The following ROBO1 variants were observed in gnomAD, a reference collection of about 807,000 sequenced individuals.
The protein encoded by ROBO1 is roundabout guidance receptor 1, also known as roundabout homolog 1.
Under a neutral mutation model 195.9 loss-of-function variants are expected in ROBO1, and 149 were observed. The ratio of observed to expected loss-of-function variants is 0.76; its 90% CI spans 0.67 to 0.87. The LOEUF (loss-of-function observed/expected upper bound fraction) is 0.87, where lower values mean the gene tolerates loss of function less well. ROBO1 is among the 40% of genes least tolerant of loss of function. ROBO1 has a pLI of 0.00. For missense variants in ROBO1, 1,933 were observed against 2,068.3 expected, an observed-to-expected ratio of 0.93 and a Z score of 1.27; for synonymous variants, 816 against 733.2, an observed-to-expected ratio of 1.11 and a Z score of -1.82.
At chr3:78,806,672 G>A (rs1045230317) in intron 4 of ROBO1, among the ~76,000 whole-genome samples, 3 of 152,114 alleles carry the variant, frequency 2.0e-5, no homozygotes, top group African/African-American at 4.8e-5. Flanking sequence ...TTTTAAGCAG[G>A]TAAGTTAAGC....
intron 2 of ROBO1, among the ~76,000 whole-genome samples, chr3:79,563,886 A>G (rs1943006525): frequency 6.6e-6 from 1 of 152,082 alleles, no homozygotes; most frequent in Non-Finnish European, 1.5e-5. Flanking sequence ...TGCATATTAA[A>G]TGGAACTACA....
At chr3:79,226,504 C>T (rs933099760) in intron 2 of ROBO1, among the ~76,000 whole-genome samples, 5 of 151,760 alleles carry the variant, frequency 3.3e-5, no homozygotes, top group Admixed American at 3.3e-4. Context: ...TATTTTTCCA[C>T]AGAGAATCCT....
At chr3:79,573,525 T>C (rs183121682) in intron 2 of ROBO1, among the ~76,000 whole-genome samples, 289 of 152,324 alleles carry the variant, frequency 1.9e-3, no homozygotes, top group Middle Eastern at 3.4e-3. Flanking sequence ...AAATTTATCC[T>C]CAATTATCAA....
At chr3:79,161,141 T>A (rs944655826) in intron 2 of ROBO1, among the ~76,000 whole-genome samples, 1 of 152,048 alleles carries the variant, frequency 6.6e-6, no homozygotes, top group Non-Finnish European at 1.5e-5. Flanking sequence ...ATACCATGTA[T>A]AATTGGTACT....
chr3:78,728,458 A>T (rs765290067), intron 5 of ROBO1, among the ~76,000 whole-genome samples: 3 of 12 alleles, frequency 0.25, no homozygotes, highest in Non-Finnish European at 0.5. Flanking sequence ...TCTAGGTTAT[A>T]AAAAAAAAAA....
At chr3:78,777,310 C>T (rs886572928) in intron 4 of ROBO1, among the ~76,000 whole-genome samples, 14 of 152,160 alleles carry the variant, frequency 9.2e-5, no homozygotes, top group African/African-American at 3.4e-4. Flanking sequence ...GGTTCAAAGA[C>T]AGTATACAGC....
intron 1 of ROBO1, among the ~76,000 whole-genome samples, chr3:79,754,787 G>C (rs1024614552): frequency 6.6e-6 from 1 of 152,106 alleles, no homozygotes; most frequent in African/African-American, 2.4e-5. Context: ...TAGCTAAGAC[G>C]ATGGCTCTGG....
intron 2 of ROBO1, among the ~76,000 whole-genome samples, chr3:79,417,998 T>C (rs1019139163): frequency 2.6e-5 from 4 of 152,102 alleles, no homozygotes; most frequent in Non-Finnish European, 4.4e-5. Context: ...CTTCATAAGA[T>C]AGATAGCCCT....
At chr3:78,602,975 T>C (rs1464987738) in intron 29 of ROBO1, among the ~76,000 whole-genome samples, 1 of 152,236 alleles carries the variant, frequency 6.6e-6, no homozygotes, top group East Asian at 1.9e-4. Context: ...CCTTTCCACA[T>C]GGTCCAACAT....
At chr3:78,763,619 A>C (rs1020430368) in intron 4 of ROBO1, among the ~76,000 whole-genome samples, 1 of 152,180 alleles carries the variant, frequency 6.6e-6, no homozygotes, top group Admixed American at 6.5e-5. Context: ...CACACCATTT[A>C]ATCTCTTGCC....
At chr3:79,511,713 A>G (rs1259155326) in intron 2 of ROBO1, among the ~76,000 whole-genome samples, 2 of 152,204 alleles carry the variant, frequency 1.3e-5, no homozygotes, top group African/African-American at 4.8e-5. Flanking sequence ...AATACTGTAC[A>G]TAAACACCAT....
intron 3 of ROBO1, among the ~76,000 whole-genome samples, chr3:79,083,145 G>A (rs561149114): frequency 4.9e-4 from 74 of 152,180 alleles, no homozygotes; most frequent in African/African-American, 1.8e-3. Context: ...TGCAGGAGCT[G>A]AGACCATGCC....
intron 3 of ROBO1, among the ~76,000 whole-genome samples, chr3:79,033,801 T>C (rs780785960): frequency 2.0e-5 from 3 of 152,208 alleles, no homozygotes; most frequent in South Asian, 2.1e-4. Context: ...CTACAATATA[T>C]ATTAAAATAC....
intron 2 of ROBO1, among the ~76,000 whole-genome samples, chr3:79,550,938 G>A (rs1942486625): frequency 1.3e-5 from 2 of 152,098 alleles, no homozygotes; most frequent in Non-Finnish European, 2.9e-5. Flanking sequence ...ATAATCTCAT[G>A]AATGAATTAA....
chr3:78,681,776 C>T (rs2107797650), intron 10 of ROBO1, among the ~76,000 whole-genome samples: 1 of 152,208 alleles, frequency 6.6e-6, no homozygotes, highest in South Asian at 2.1e-4. Flanking sequence ...GTGGCGGGAG[C>T]CTGCAGTCCC....
chr3:79,093,681 A>G (rs979515861), intron 3 of ROBO1, among the ~76,000 whole-genome samples: 7 of 152,080 alleles, frequency 4.6e-5, no homozygotes, highest in Non-Finnish European at 8.8e-5. Context: ...AGACAGTATC[A>G]CTTTAATAAA....
intron 2 of ROBO1, among the ~76,000 whole-genome samples, chr3:79,301,240 A>G (rs1372672850): frequency 3.3e-5 from 5 of 152,186 alleles, no homozygotes; most frequent in Admixed American, 3.3e-4. Flanking sequence ...AAACATCCGA[A>G]CATCAGAAAG....
chr3:78,960,500 T>A (rs2041277430), intron 3 of ROBO1, among the ~76,000 whole-genome samples: 1 of 151,838 alleles, frequency 6.6e-6, no homozygotes, highest in South Asian at 2.1e-4. Context: ...ACATAATGGG[T>A]CCGGGTGTGG....
intron 2 of ROBO1, among the ~76,000 whole-genome samples, chr3:79,444,171 T>C (rs547450393): frequency 6.6e-6 from 1 of 152,000 alleles, no homozygotes; most frequent in Non-Finnish European, 1.5e-5. Flanking sequence ...GAATTTCTTT[T>C]CATGAAAACA....
Sources: gnomAD v4.1 joint callset for allele counts (sites outside exome capture counted in the v4.1 genomes callset) on GRCh38, gnomAD v4.1.1 for gene constraint, MANE v1.5 for transcripts, NCBI Gene and HGNC (gene_info 2026-07-23, HGNC 2026-07-21) for gene names.